The following SLC9A8 variants were observed in gnomAD, a reference collection of about 807,000 sequenced individuals.
SLC9A8 encodes the protein solute carrier family 9 member A8.
SLC9A8 carries 48 observed loss-of-function variants against 66.6 expected under a neutral mutation model. The observed-to-expected ratio is 0.72, with a 90% confidence interval of 0.57 to 0.92. The LOEUF (loss-of-function observed/expected upper bound fraction) is 0.92. Among genes scored for constraint, SLC9A8 ranks in the 40% least tolerant of loss-of-function variants. SLC9A8 has a pLI of 0.00. For synonymous variants in SLC9A8, 274 were observed against 282.6 expected (o/e 0.97, Z 0.31); for missense variants, 599 against 747.3 (o/e 0.80, Z 2.31).
chr20:49,818,511 G>A (rs60516380), intron 2 of SLC9A8, among the ~76,000 whole-genome samples: 1 of 136,134 alleles, frequency 7.3e-6, no homozygotes, highest in Non-Finnish European at 1.5e-5. Flanking sequence ...TTCCCCCTGA[G>A]ATGGAATCTT....
rs548446428 is a variant in SLC9A8 at position 49,874,607 on chromosome 20, C to T, written c.959-98C>T. 92 of 767,336 alleles carry T rather than the reference C, an allele frequency of 1.2e-4. 1 individual carries two copies. Among genetic ancestry groups the T allele is most frequent in the South Asian group, 5.2e-4 (34 of 65,404 alleles). The allele number at this position is 767,336 out of a possible 1,614,324, so 47.5% of individuals were successfully genotyped here. On this transcript the variant is annotated intron_variant, in intron 10 of 15. Coordinates refer to ENST00000361573, the MANE Select transcript of SLC9A8 (RefSeq NM_015266.3). ...TTCATTTATTTTCCTTTTTCTTAAA[C>T]CCTCTAATGCTCTAGGCCCCAGGGC... is the stretch of plus-strand genomic sequence containing the variant.
rs1407391277 is a variant in SLC9A8 at position 49,888,840 on chromosome 20, T to G, written c.*904T>G. 3 of 152,450 alleles carry G rather than the reference T, an allele frequency of 2.0e-5. No homozygotes were observed. Among genetic ancestry groups the G allele is most frequent in the Non-Finnish European group, 4.4e-5 (3 of 68,174 alleles). 9.4% of individuals were successfully genotyped at this position (152,450 alleles called of 1,614,324 possible). ...TCTTTTGTCTAATCGGAGGCCACTG[T>G]GCTGAGGCCCTGCAGTGTCTGCTCA... On this transcript the variant is annotated 3_prime_UTR_variant, in exon 16 of 16. Coordinates refer to ENST00000361573, the MANE Select transcript of SLC9A8 (RefSeq NM_015266.3).
Position 49,874,707 on chromosome 20 carries a change from A to T in SLC9A8, c.961A>T (p.Ile321Phe), listed in dbSNP as rs776095274. The change falls in exon 11 of 16, where the codon ATC becomes TTC. Residue 321 changes from isoleucine (I) to phenylalanine (F), a missense_variant and splice_region_variant. Coordinates refer to ENST00000361573, the MANE Select transcript of SLC9A8 (RefSeq NM_015266.3). ...GLAEGISLSG[I>F]MAILFSGIVM... ...TGTTCTGTTCTCTCCCTCTCTAGGC[A>T]TCATGGCCATCCTTTTCTCAGGCAT... 6.3e-6 allele frequency: 10 copies of T among 1,585,372 alleles called. No individual in the cohort carries two copies. Among genetic ancestry groups the T allele is most frequent in the Non-Finnish European group, 6.9e-6 (8 of 1,153,882 alleles).
intron 2 of SLC9A8, 73 bp downstream of exon 2, chr20:49,815,262 G>C: frequency 7.8e-7 from 1 of 1,287,480 alleles, no homozygotes; most frequent in East Asian, 2.7e-5. Flanking sequence ...GTTTAACCCT[G>C]TCACTCCTCT....
At chr20:49,820,693 G>A (rs1022327706) in intron 2 of SLC9A8, among the ~76,000 whole-genome samples, 21 of 151,588 alleles carry the variant, frequency 1.4e-4, no homozygotes, top group African/African-American at 4.8e-4. Flanking sequence ...ATTCAGGTGC[G>A]CACCACCACA....
chr20:49,824,946 T>C (rs898040604), intron 3 of SLC9A8, among the ~76,000 whole-genome samples: 2 of 152,152 alleles, frequency 1.3e-5, no homozygotes, highest in African/African-American at 4.8e-5. Context: ...CTGGAAAATG[T>C]TTTCCTCTCA....
chr20:49,845,545 TC>T (rs1473751230), intron 5 of SLC9A8, among the ~76,000 whole-genome samples: 1 of 152,160 alleles, frequency 6.6e-6, no homozygotes, highest in Admixed American at 6.5e-5. Context: ...TCTAACCTTC[TC>T]AGGCCCATCC....
intron 8 of SLC9A8, among the ~76,000 whole-genome samples, chr20:49,861,931 G>T (rs1488596635): frequency 6.6e-6 from 1 of 151,950 alleles, no homozygotes; most frequent in Non-Finnish European, 1.5e-5. Context: ...ACTTGCCATA[G>T]CCTCAATTTC....
intron 13 of SLC9A8, among the ~76,000 whole-genome samples, chr20:49,881,919 G>A (rs1441683554): frequency 6.6e-6 from 1 of 152,124 alleles, no homozygotes; most frequent in African/African-American, 2.4e-5. Flanking sequence ...GGGAAGGGGG[G>A]CATGAGGATA....
intron 4 of SLC9A8, among the ~76,000 whole-genome samples, chr20:49,844,748 T>C (rs778459858): frequency 1.2e-4 from 18 of 151,428 alleles, no homozygotes; most frequent in Non-Finnish European, 2.4e-4. Flanking sequence ...TACAGGGAGC[T>C]GTGATTGCAC....
At chr20:49,818,236 A>G (rs150119651) in intron 2 of SLC9A8, among the ~76,000 whole-genome samples, 29 of 152,314 alleles carry the variant, frequency 1.9e-4, no homozygotes, top group Non-Finnish European at 3.7e-4. Context: ...AACTTGCTGT[A>G]TATTTCTCTT....
intron 2 of SLC9A8, among the ~76,000 whole-genome samples, chr20:49,816,291 G>A (rs377548564): frequency 1.3e-5 from 2 of 151,670 alleles, no homozygotes; most frequent in African/African-American, 4.8e-5. Flanking sequence ...GTGGTGGTAT[G>A]TGCCTGTAAT....
intron 3 of SLC9A8, among the ~76,000 whole-genome samples, chr20:49,826,443 G>A (rs2086914994): frequency 1.3e-5 from 2 of 152,180 alleles, no homozygotes; most frequent in Admixed American, 6.5e-5. Flanking sequence ...CCTGCCAGAA[G>A]TTGCTTTGTA....
chr20:49,813,306 T>C (rs2086427074), intron 1 of SLC9A8, among the ~76,000 whole-genome samples: 1 of 152,356 alleles, frequency 6.6e-6, no homozygotes, highest in South Asian at 2.1e-4. Flanking sequence ...CACACCCACC[T>C]CCTACGTAGC....
At chr20:49,813,404 T>C (rs527763244) in intron 1 of SLC9A8, among the ~76,000 whole-genome samples, 12 of 152,138 alleles carry the variant, frequency 7.9e-5, no homozygotes, top group Non-Finnish European at 1.2e-4. Context: ...ATCTACTCAA[T>C]TCCAGGCCCT....
intron 3 of SLC9A8, among the ~76,000 whole-genome samples, chr20:49,825,723 A>G (rs1467328949): frequency 1.3e-5 from 2 of 152,206 alleles, no homozygotes; most frequent in Admixed American, 6.5e-5. Context: ...TACAGGTAGT[A>G]TTAGCTTGAG....
intron 10 of SLC9A8, among the ~76,000 whole-genome samples, chr20:49,870,033 GC>G (rs1176767107): frequency 6.6e-6 from 1 of 152,194 alleles, no homozygotes; most frequent in African/African-American, 2.4e-5. Flanking sequence ...GGAATCCTGT[GC>G]AGCTACTTAA....
Position 49,842,536 on chromosome 20 carries a change from A to G in SLC9A8, c.349-2500A>G, listed in dbSNP as rs75212833. Among the ~76,000 whole-genome samples the G allele has an allele frequency of 4.3e-3, 649 of 152,308 alleles. 6 individuals are homozygous for G. The highest frequency in any genetic ancestry group is 0.015 in the African/African-American group (629 of 41,562). ...GTTGGAGAGAGCCCTTAGAAGCGGT[A>G]TTGCCATCCTAAGGTGTCTTGGATT... On this transcript the variant is annotated intron_variant, in intron 4 of 15. Coordinates refer to ENST00000361573, the MANE Select transcript of SLC9A8 (RefSeq NM_015266.3).
chr20:49,814,977 A>G (rs569790298), intron 1 of SLC9A8, 31 bp from the exon 2 acceptor site: 34 of 1,468,484 alleles, frequency 2.3e-5, no homozygotes, highest in Non-Finnish European at 3.1e-5. Flanking sequence ...ACCCTTTTCC[A>G]TTATCTAATT....
Sources: gnomAD v4.1 joint callset for allele counts (sites outside exome capture counted in the v4.1 genomes callset) on GRCh38, gnomAD v4.1.1 for gene constraint, MANE v1.5 for transcripts, NCBI Gene and HGNC (gene_info 2026-07-23, HGNC 2026-07-21) for gene names.